Variants in KRT78 observed in about 807,000 individuals in gnomAD.
KRT78 encodes keratin 78, also known as keratin, type II cytoskeletal 78.
KRT78 carries 55 observed loss-of-function variants against 51.4 expected under a neutral mutation model. That is an observed-to-expected ratio of 1.07 (90% CI 0.86 to 1.34). KRT78 has a LOEUF of 1.34. Among genes scored for constraint, KRT78 ranks in the 40% most tolerant of loss-of-function variants. The probability of loss-of-function intolerance (pLI) is 0.00; values close to 1 mark genes in which losing one functional copy is unlikely to be tolerated. For synonymous variants in KRT78, 291 were observed against 264.3 expected, an observed-to-expected ratio of 1.10 and a Z score of -0.98; for missense variants, 652 against 649.4, an observed-to-expected ratio of 1.00 and a Z score of -0.04.
At chr12:52,840,115 G>A (rs971637418) in intron 6 of KRT78, 131 bp from the exon 7 acceptor site, 21 of 652,192 alleles carry the variant, frequency 3.2e-5, no homozygotes, top group African/African-American at 1.6e-4. Flanking sequence ...ATCCATGGCC[G>A]TCTGTACCAA....
chr12:52,847,390 C>A (rs1940667107), intron 2 of KRT78, among the ~76,000 whole-genome samples: 1 of 152,186 alleles, frequency 6.6e-6, no homozygotes, highest in African/African-American at 2.4e-5. Context: ...ACCCAAGCCC[C>A]CTATTAGTCC....
chr12:52,845,549 A>C (rs1411369644), intron 4 of KRT78, among the ~76,000 whole-genome samples: 1 of 151,992 alleles, frequency 6.6e-6, no homozygotes, highest in Non-Finnish European at 1.5e-5. Flanking sequence ...CATGTTCCCA[A>C]TCCTCCTTTC....
intron 4 of KRT78, 24 bp from the exon 5 acceptor site, chr12:52,844,747 T>C: frequency 6.3e-7 from 1 of 1,589,646 alleles, no homozygotes; most frequent in Non-Finnish European, 8.6e-7. Context: ...AGACTCAGTG[T>C]CCACTCACCC....
Position 52,844,689 on chromosome 12 carries a change from G to A in KRT78, c.791C>T (p.Thr264Met), listed in dbSNP as rs754113390. ...GTTGTCCATGGACAGCACCACAGAC[G>A]TGTCGCTGGCCTGGGTCTGGAGCTG... ...LGQLQTQASD[T>M]SVVLSMDNNR... The change falls in exon 5 of 9, where the codon ACG (threonine) becomes ATG (methionine). Residue 264 changes from threonine (T) to methionine (M), a missense_variant. Transcript: ENST00000304620. 12 of 1,613,540 alleles carry A rather than the reference G, an allele frequency of 7.4e-6. No homozygotes were observed. Among genetic ancestry groups the A allele is most frequent in the Admixed American group, 3.3e-5 (2 of 59,984 alleles).
chr12:52,841,973 C>G (rs1285858206), intron 6 of KRT78, among the ~76,000 whole-genome samples: 1 of 152,202 alleles, frequency 6.6e-6, no homozygotes, highest in Non-Finnish European at 1.5e-5. Flanking sequence ...TGGGCCCCAT[C>G]CTTAGAGATT....
intron 3 of KRT78, 83 bp from the exon 4 acceptor site, chr12:52,846,375 C>T: frequency 1.2e-6 from 1 of 845,694 alleles, no homozygotes; most frequent in Non-Finnish European, 2.1e-6. Context: ...TGTTCATGCA[C>T]TGCTCAACAC....
At chr12:52,847,707 T>C (rs1211576825) in intron 2 of KRT78, among the ~76,000 whole-genome samples, 200 bp downstream of exon 2, 2 of 152,122 alleles carry the variant, frequency 1.3e-5, no homozygotes, top group African/African-American at 4.8e-5. Flanking sequence ...CCAGATCTGC[T>C]TGGGGACTGC....
intron 4 of KRT78, among the ~76,000 whole-genome samples, chr12:52,844,957 C>T (rs1002173907): frequency 3.3e-5 from 5 of 151,784 alleles, no homozygotes; most frequent in African/African-American, 1.2e-4. Flanking sequence ...GGAAAATGGC[C>T]TGCAAGGCCC....
rs1178090612 is a variant in KRT78 at position 52,839,457 on chromosome 12, A to T, written c.1299T>A (p.Thr433=). 6.2e-7 allele frequency: 1 copy of T among 1,608,184 alleles called. No homozygotes were observed. Among genetic ancestry groups the T allele is most frequent in the East Asian group, 2.2e-5 (1 of 44,738 alleles). Residue 433 remains threonine (T), a synonymous_variant, in exon 8 of 9, where the codon ACT becomes ACA. Transcript: ENST00000304620. ...CTAAAGTCCCCTGATACTCACAGAT[A>T]GTGACCTGGCTGGTGCACTCCCCAG... is the stretch of plus-strand genomic sequence containing the variant. The part of the protein sequence containing the change: ...RMSGECTSQV[T]ISSVGGSAVM...
intron 2 of KRT78, among the ~76,000 whole-genome samples, chr12:52,847,320 C>T (rs1188923537): frequency 1.3e-5 from 2 of 152,118 alleles, no homozygotes; most frequent in Non-Finnish European, 2.9e-5. Flanking sequence ...AAACCAAGTC[C>T]GGGAGAGATG....
chr12:52,842,411 G>A (rs1233341135), intron 6 of KRT78, among the ~76,000 whole-genome samples: 1 of 152,124 alleles, frequency 6.6e-6, no homozygotes, highest in Non-Finnish European at 1.5e-5. Flanking sequence ...GGAGGAGCAG[G>A]AAACGGCCTC....
rs1940454936 is a variant in KRT78, at chr12:52,840,054, T to C, written c.1048-70A>G. The C allele has an allele frequency of 1.1e-4, 124 of 1,098,544 alleles. 1 individual carries two copies. The South Asian group carries it at 1.7e-3, about 15-fold the overall frequency. The allele number at this position is 1,098,544 out of a possible 1,614,324, so 68.0% of individuals were successfully genotyped here. ...ACATAGCCTCTCAAAGCACCCACTG[T>C]GGATATCACTTGAAGGCTGGGGCGG... On this transcript the variant is annotated intron_variant, in intron 6 of 8. Coordinates refer to ENST00000304620, the MANE Select transcript of KRT78 (RefSeq NM_173352.4).
chr12:52,848,196 G>A, intron 1 of KRT78, 75 bp from the exon 2 acceptor site: 3 of 1,567,884 alleles, frequency 1.9e-6, no homozygotes, highest in Non-Finnish European at 2.6e-6. Context: ...TAAAGCCTGA[G>A]GGACCCTCCC....
intron 1 of KRT78, 30 bp from the exon 2 acceptor site, chr12:52,848,151 T>C (rs1940690659): frequency 2.5e-6 from 4 of 1,608,102 alleles, no homozygotes; most frequent in Non-Finnish European, 3.4e-6. Context: ...TCCCTGAGGC[T>C]CCTGTGGGAC....
rs775478505 is a variant in KRT78 at position 52,844,660 on chromosome 12, G to A, written c.820C>T (p.Arg274Cys). 33 of 1,614,024 alleles carry A rather than the reference G, an allele frequency of 2.0e-5. No individual in the cohort carries two copies. The highest frequency in any genetic ancestry group is 4.5e-5 in the East Asian group (2 of 44,886). ...TSVVLSMDNN[R>C]YLDFSSIITE... Reference sequence around the variant, plus strand: ...ATGATGCTGCTGAAGTCCAGGTAGCGGTTGTTGTCCATGGACAGCACCACA... The same window carrying A: ...ATGATGCTGCTGAAGTCCAGGTAGCAGTTGTTGTCCATGGACAGCACCACA... The change falls in exon 5 of 9, where the codon CGC becomes TGC. Residue 274 changes from arginine (R) to cysteine (C), a missense_variant. Transcript: ENST00000304620.
At chr12:52,844,785 G>C in intron 4 of KRT78, 62 bp from the exon 5 acceptor site, 7 of 1,494,706 alleles carry the variant, frequency 4.7e-6, no homozygotes, top group Non-Finnish European at 6.3e-6. Context: ...TGAAGCCTAG[G>C]ATGGTTGAGC....
chr12:52,841,137 T>C (rs1375625842), intron 6 of KRT78, among the ~76,000 whole-genome samples: 1 of 152,160 alleles, frequency 6.6e-6, no homozygotes, highest in East Asian at 1.9e-4. Context: ...TTTCAAATAC[T>C]TTGTCCTGTT....
intron 1 of KRT78, 65 bp from the exon 2 acceptor site, chr12:52,848,186 T>C (rs1940691968): frequency 6.3e-7 from 1 of 1,577,880 alleles, no homozygotes; most frequent in Non-Finnish European, 8.6e-7. Context: ...CTCTGGAAAG[T>C]AAAGCCTGAG....
In KRT78 at chr12:52,838,748, C is replaced by T. The variant is rs573352980; in HGVS notation, c.*365G>A. 16 of 276,320 alleles carry T rather than the reference C, an allele frequency of 5.8e-5. No individual in the cohort carries two copies. The South Asian group carries it at 9.2e-4, about 16-fold the overall frequency. The allele number at this position is 276,320 out of a possible 1,614,324, so 17.1% of individuals were successfully genotyped here. On this transcript the variant is annotated 3_prime_UTR_variant, in exon 9 of 9. Coordinates refer to ENST00000304620, the MANE Select transcript of KRT78 (RefSeq NM_173352.4). The stretch of plus-strand genomic sequence containing the variant: ...AAGTGAGCTACAAGCACAGCTAAAA[C>T]ATCAGTGGAGTTGTGGGAGATGGAG...
Sources: allele counts gnomAD v4.1 joint callset (sites outside exome capture counted in the v4.1 genomes callset), GRCh38; gene constraint gnomAD v4.1.1; transcripts MANE v1.5; gene names NCBI Gene and HGNC (gene_info 2026-07-23, HGNC 2026-07-21).